DOK5: variants seen among roughly 807,000 people sequenced by gnomAD.
DOK5 encodes downstream of tyrosine kinase 5.
A neutral mutation model predicts 43.3 loss-of-function variants in DOK5; 27 were observed. That is an observed-to-expected ratio of 0.62 (90% CI 0.46 to 0.86). The LOEUF (loss-of-function observed/expected upper bound fraction) is 0.86. Ranked by LOEUF, DOK5 falls within the 40% of genes least tolerant of loss-of-function variation. The probability of loss-of-function intolerance (pLI) is 0.00; values close to 1 mark genes in which losing one functional copy is unlikely to be tolerated. For missense variants in DOK5, 373 were observed against 392.9 expected (o/e 0.95, Z 0.43); for synonymous variants, 146 against 140.1 (o/e 1.04, Z -0.30).
intron 2 of DOK5, among the ~76,000 whole-genome samples, chr20:54,580,568 G>A (rs1469877496): frequency 6.6e-6 from 1 of 152,032 alleles, no homozygotes; most frequent in African/African-American, 2.4e-5. Context: ...TAAGAGATAG[G>A]AGGATGTGGT....
chr20:54,525,824 A>C (rs1983554387), intron 1 of DOK5, among the ~76,000 whole-genome samples: 1 of 152,234 alleles, frequency 6.6e-6, no homozygotes, highest in Non-Finnish European at 1.5e-5. Flanking sequence ...CGCTGAAATG[A>C]TAGAGGGATT....
At chr20:54,623,240 T>C (rs1416168474) in intron 6 of DOK5, among the ~76,000 whole-genome samples, 1 of 152,150 alleles carries the variant, frequency 6.6e-6, no homozygotes, top group African/African-American at 2.4e-5. Flanking sequence ...GTAAGTTCCA[T>C]ACAATGCTTA....
chr20:54,611,372 G>C (rs1022519933), intron 6 of DOK5, among the ~76,000 whole-genome samples: 3 of 152,046 alleles, frequency 2.0e-5, no homozygotes, highest in African/African-American at 7.2e-5. Context: ...GACCAGCCTG[G>C]ACAACATGGG....
At chr20:54,573,192 T>C (rs1052197713) in intron 2 of DOK5, among the ~76,000 whole-genome samples, 7 of 152,056 alleles carry the variant, frequency 4.6e-5, no homozygotes, top group African/African-American at 1.7e-4. Context: ...AATGGTCTCA[T>C]TGAGAGGGTA....
At chr20:54,635,744 A>C (rs1362243732) in intron 6 of DOK5, among the ~76,000 whole-genome samples, 1 of 152,184 alleles carries the variant, frequency 6.6e-6, no homozygotes, top group Non-Finnish European at 1.5e-5. Context: ...GGCTATGGTC[A>C]CTCATATTTA....
chr20:54,584,969 A>ATAAAT (rs1985758860), intron 2 of DOK5, among the ~76,000 whole-genome samples: 1 of 152,206 alleles, frequency 6.6e-6, no homozygotes, highest in Non-Finnish European at 1.5e-5. Flanking sequence ...GATAGTGGAA[A>ATAAAT]TAAATACATC....
At chr20:54,551,924 T>C (rs914330465) in intron 1 of DOK5, among the ~76,000 whole-genome samples, 23 of 152,182 alleles carry the variant, frequency 1.5e-4, no homozygotes, top group African/African-American at 5.1e-4. Flanking sequence ...ACCTCCTGGG[T>C]TGAAGCAATT....
At chr20:54,504,003 A>G (rs1982709777) in intron 1 of DOK5, among the ~76,000 whole-genome samples, 2 of 152,212 alleles carry the variant, frequency 1.3e-5, no homozygotes, top group Non-Finnish European at 2.9e-5. Context: ...AAGCAGTTAA[A>G]GTAGTTGCAG....
At chr20:54,539,248 CA>C (rs1248921401) in intron 1 of DOK5, among the ~76,000 whole-genome samples, 2 of 134,164 alleles carry the variant, frequency 1.5e-5, no homozygotes, top group Non-Finnish European at 3.1e-5. Context: ...CCCTGCACTC[CA>C]GCCTGGGCAA....
chr20:54,511,652 T>A (rs2146687872), intron 1 of DOK5, among the ~76,000 whole-genome samples: 1 of 152,216 alleles, frequency 6.6e-6, no homozygotes, highest in Middle Eastern at 3.4e-3. Flanking sequence ...AAGAGGAAGG[T>A]ATTGGCTTAT....
chr20:54,510,026 G>C (rs1982959140), intron 1 of DOK5, among the ~76,000 whole-genome samples: 1 of 152,050 alleles, frequency 6.6e-6, no homozygotes, highest in Non-Finnish European at 1.5e-5. Context: ...CTAGGTGATG[G>C]GTTGATGGGT....
intron 5 of DOK5, among the ~76,000 whole-genome samples, chr20:54,602,644 G>A (rs1986332683): frequency 6.6e-6 from 1 of 152,136 alleles, no homozygotes; most frequent in Admixed American, 6.6e-5. Flanking sequence ...ATCTTTGACA[G>A]CAAGAGGATG....
chr20:54,583,532 A>C lies in DOK5; in HGVS notation c.175-4951A>C, dbSNP rs1985703264. On this transcript the variant is annotated intron_variant, in intron 2 of 7. Transcript: ENST00000262593. ...TTCTCTTTCTCTCTTCAATTCTATC[A>C]ATCAATGTTTACTTCATATATTTGG... 2.6e-5 allele frequency among the ~76,000 whole-genome samples: 4 copies of C among 152,132 alleles called. No individual in the cohort carries two copies. The South Asian group carries it at 8.3e-4, about 32-fold the overall frequency.
intron 7 of DOK5, among the ~76,000 whole-genome samples, chr20:54,647,523 AC>A (rs760107875): frequency 0.011 from 1,634 of 147,186 alleles, 41 homozygotes; most frequent in African/African-American, 0.028. Flanking sequence ...AAAAAAAAAA[AC>A]AAAAAAACTA....
intron 1 of DOK5, among the ~76,000 whole-genome samples, chr20:54,503,867 A>T (rs1982704295): frequency 6.6e-6 from 1 of 152,214 alleles, no homozygotes; most frequent in Non-Finnish European, 1.5e-5. Context: ...GCCTATGAAG[A>T]TGGGCTAGAA....
At chr20:54,634,535 G>C (rs1421843393) in intron 6 of DOK5, among the ~76,000 whole-genome samples, 1 of 137,752 alleles carries the variant, frequency 7.3e-6, no homozygotes, top group East Asian at 2.2e-4. Context: ...TCTGCCTCCC[G>C]AGTTCACGCC....
chr20:54,497,724 A>G (rs1982454267), intron 1 of DOK5, among the ~76,000 whole-genome samples: 1 of 152,230 alleles, frequency 6.6e-6, no homozygotes, highest in Admixed American at 6.5e-5. Context: ...GACTTCTAAT[A>G]GTAACTATGA....
chr20:54,557,060 T>C (rs79772727), intron 2 of DOK5, among the ~76,000 whole-genome samples: 2,780 of 152,304 alleles, frequency 0.018, 90 homozygotes, highest in African/African-American at 0.064. Context: ...ATGGAGACTC[T>C]GAACACAGCT....
At chr20:54,560,890 G>A (rs1402400421) in intron 2 of DOK5, among the ~76,000 whole-genome samples, 1 of 152,166 alleles carries the variant, frequency 6.6e-6, no homozygotes, top group Admixed American at 6.5e-5. Flanking sequence ...CCAAAGTGCT[G>A]GGATTACAGG....
Sources: gnomAD v4.1 joint callset for allele counts (sites outside exome capture counted in the v4.1 genomes callset) on GRCh38, gnomAD v4.1.1 for gene constraint, MANE v1.5 for transcripts, NCBI Gene and HGNC (gene_info 2026-07-23, HGNC 2026-07-21) for gene names.